Variants in ANAPC10 observed in about 807,000 individuals in gnomAD.
ANAPC10 encodes anaphase promoting complex subunit 10.
Under a neutral mutation model 22.0 loss-of-function variants are expected in ANAPC10, and 12 were observed. That is an observed-to-expected ratio of 0.55 (90% CI 0.35 to 0.88). The LOEUF (loss-of-function observed/expected upper bound fraction) is 0.88, where lower values mean the gene tolerates loss of function less well. Among genes scored for constraint, ANAPC10 ranks in the 40% least tolerant of loss-of-function variants. The pLI is 0.01. For missense variants in ANAPC10, 188 were observed against 220.9 expected (o/e 0.85, Z 0.94); for synonymous variants, 65 against 69.5 (o/e 0.94, Z 0.32).
chr4:145,071,794 G>C (rs1744527677), intron 3 of ANAPC10, among the ~76,000 whole-genome samples: 1 of 152,122 alleles, frequency 6.6e-6, no homozygotes, highest in Admixed American at 6.5e-5. Flanking sequence ...ATCATCCATA[G>C]CATTAAGTGA....
At chr4:145,096,537 G>T (rs1748551847) in intron 1 of ANAPC10, among the ~76,000 whole-genome samples, 1 of 152,152 alleles carries the variant, frequency 6.6e-6, no homozygotes, top group Non-Finnish European at 1.5e-5. Flanking sequence ...ACTTTGAGTA[G>T]GTCTGGGCTT....
intron 3 of ANAPC10, among the ~76,000 whole-genome samples, chr4:145,076,575 C>T (rs1490761760): frequency 1.3e-5 from 2 of 152,162 alleles, no homozygotes; most frequent in Admixed American, 1.3e-4. Flanking sequence ...ACTAGTTGCC[C>T]AGCAATGGTT....
At chr4:145,058,656 T>C (rs941394381) in intron 4 of ANAPC10, among the ~76,000 whole-genome samples, 2 of 152,150 alleles carry the variant, frequency 1.3e-5, no homozygotes. Context: ...TAATCTACAG[T>C]ATAAGTTTGT....
chr4:145,088,890 C>A (rs969453878), intron 2 of ANAPC10, among the ~76,000 whole-genome samples: 10 of 152,174 alleles, frequency 6.6e-5, no homozygotes, highest in Admixed American at 6.5e-4. Context: ...TCTACCATTT[C>A]TCCTCCTTAC....
intron 4 of ANAPC10, among the ~76,000 whole-genome samples, chr4:145,018,996 C>A (rs888998757): frequency 6.6e-6 from 1 of 152,102 alleles, no homozygotes; most frequent in South Asian, 2.1e-4. Context: ...AACACCATAA[C>A]AGTGGGGGAC....
intron 4 of ANAPC10, among the ~76,000 whole-genome samples, chr4:145,046,468 A>C (rs1740312137): frequency 6.6e-6 from 1 of 152,142 alleles, no homozygotes; most frequent in African/African-American, 2.4e-5. Flanking sequence ...ACAAAATCAA[A>C]GGAAGTATCC....
chr4:145,017,359 A>T (rs1370319469), intron 4 of ANAPC10, among the ~76,000 whole-genome samples: 1 of 152,260 alleles, frequency 6.6e-6, no homozygotes, highest in African/African-American at 2.4e-5. Flanking sequence ...GTCAACAGAC[A>T]CATGAAAAAA....
chr4:145,082,187 T>C (rs957139011), intron 2 of ANAPC10, among the ~76,000 whole-genome samples: 1 of 152,262 alleles, frequency 6.6e-6, no homozygotes, highest in Non-Finnish European at 1.5e-5. Context: ...TTCACTCTCG[T>C]GGCCCAAGCT....
chr4:145,001,158 A>C (rs897259803), intron 4 of ANAPC10, among the ~76,000 whole-genome samples: 2 of 145,092 alleles, frequency 1.4e-5, no homozygotes, highest in South Asian at 2.4e-4. Context: ...CATTGTGTAC[A>C]TGTACCCTAG....
At position 145,093,560 on chromosome 4, in the gene ANAPC10, A is replaced by C. The variant is rs566951484; in HGVS notation, c.115+2425T>G. On this transcript the variant is annotated intron_variant, in intron 2 of 4. Transcript: ENST00000507656. Reference sequence around the variant, plus strand: ...TCTTAAATAACTATAACTATGAGTAAGATGTTAAAAAAAAAAAACAAAAAC... The same window carrying C: ...TCTTAAATAACTATAACTATGAGTACGATGTTAAAAAAAAAAAACAAAAAC... 2.8e-3 allele frequency among the ~76,000 whole-genome samples: 427 copies of C among 152,042 alleles called. 4 individuals carry two copies. Among genetic ancestry groups the C allele is most frequent in the African/African-American group, 7.6e-3 (314 of 41,526 alleles).
chr4:145,026,959 A>G (rs12501329), intron 4 of ANAPC10, among the ~76,000 whole-genome samples: 2,911 of 9,810 alleles, frequency 0.3, 333 homozygotes, highest in Non-Finnish European at 0.36. Flanking sequence ...GTGTGTGTGT[A>G]TATATATATA....
At chr4:145,047,617 C>T (rs1353254488) in intron 4 of ANAPC10, among the ~76,000 whole-genome samples, 2 of 152,028 alleles carry the variant, frequency 1.3e-5, no homozygotes, top group African/African-American at 4.8e-5. Flanking sequence ...TTCTCAATGC[C>T]TTTCATTAAA....
chr4:145,027,213 A>G (rs1375233816), intron 4 of ANAPC10, among the ~76,000 whole-genome samples: 1 of 150,760 alleles, frequency 6.6e-6, no homozygotes, highest in East Asian at 2.0e-4. Flanking sequence ...CATGTTGGCC[A>G]GGCTAGTCTT....
chr4:145,040,129 ATGTGTG>A (rs35260688), intron 4 of ANAPC10, among the ~76,000 whole-genome samples: 100,048 of 148,688 alleles, frequency 0.67, 34,587 homozygotes, highest in Middle Eastern at 0.79. Context: ...GTGTGTGTGT[ATGTGTG>A]TGTGTGTGTG....
chr4:144,995,465 T>C lies in ANAPC10; in HGVS notation c.466A>G (p.Ile156Val). 6.2e-7 allele frequency: 1 copy of C among 1,613,850 alleles called. No individual in the cohort carries two copies. The highest frequency in any genetic ancestry group is 8.5e-7 in the Non-Finnish European group (1 of 1,179,810). Reference protein sequence around the residue: ...QNGRDTHMRQIKIYTPVEESS... With the variant: ...QNGRDTHMRQVKIYTPVEESS... The stretch of plus-strand genomic sequence containing the variant: ...TCTTCTACTGGTGTGTATATTTTAA[T>C]TTGTCTCATATGGGTGTCTCTTCCA... Residue 156 changes from isoleucine to valine, a missense_variant, in exon 5 of 5, where the codon ATT (isoleucine) becomes GTT (valine). Ile to Val is a conservative substitution (Grantham distance 29). Transcript: ENST00000507656.
chr4:145,067,853 T>TA (rs1019570007), intron 3 of ANAPC10, among the ~76,000 whole-genome samples: 2 of 152,176 alleles, frequency 1.3e-5, no homozygotes, highest in Non-Finnish European at 2.9e-5. Context: ...TAAAGTTAGG[T>TA]AGAGCCATAT....
intron 2 of ANAPC10, among the ~76,000 whole-genome samples, chr4:145,082,369 G>A (rs577084693): frequency 3.8e-4 from 58 of 152,238 alleles, no homozygotes; most frequent in Non-Finnish European, 6.9e-4. Context: ...GGCCGGTCTC[G>A]AACTCCCAAC....
At chr4:145,060,782 G>T (rs917741550) in intron 4 of ANAPC10, among the ~76,000 whole-genome samples, 8 of 151,836 alleles carry the variant, frequency 5.3e-5, no homozygotes, top group Non-Finnish European at 1.0e-4. Context: ...TGAGTCAGAA[G>T]CAGCAAAGTT....
At chr4:145,001,272 G>GAAGAA (rs988932131) in intron 4 of ANAPC10, among the ~76,000 whole-genome samples, 38 of 151,070 alleles carry the variant, frequency 2.5e-4, no homozygotes, top group South Asian at 4.2e-4. Flanking sequence ...GGGAAAGAAA[G>GAAGAA]AAGAAAAGAA....
Sources: gnomAD v4.1 joint callset for allele counts (sites outside exome capture counted in the v4.1 genomes callset) on GRCh38, gnomAD v4.1.1 for gene constraint, MANE v1.5 for transcripts, NCBI Gene and HGNC (gene_info 2026-07-23, HGNC 2026-07-21) for gene names.